The following SUMF1 variants were observed in gnomAD, a reference collection of about 807,000 sequenced individuals.
SUMF1 encodes the protein sulfatase modifying factor 1.
A neutral mutation model predicts 47.6 loss-of-function variants in SUMF1; 48 were observed. That is an observed-to-expected ratio of 1.01 (90% confidence interval 0.80 to 1.28). The LOEUF (loss-of-function observed/expected upper bound fraction) is 1.28, where lower values mean the gene tolerates loss of function less well. Ranked by LOEUF, SUMF1 falls within the 50% of genes most tolerant of loss-of-function variation. SUMF1 has a pLI of 0.00. For missense variants in SUMF1, 571 were observed against 485.4 expected (o/e 1.18, Z -1.66); for synonymous variants, 230 against 192.1 (o/e 1.20, Z -1.63).
At chr3:4,319,704 G>A (rs923852300) in intron 8 of SUMF1, among the ~76,000 whole-genome samples, 1 of 152,184 alleles carries the variant, frequency 6.6e-6, no homozygotes, top group African/African-American at 2.4e-5. Context: ...CATAAAAACA[G>A]CACACACGTG....
At chr3:4,297,342 CTT>C (rs892525245) in intron 8 of SUMF1, among the ~76,000 whole-genome samples, 3 of 152,216 alleles carry the variant, frequency 2.0e-5, no homozygotes, top group Admixed American at 6.5e-5. Flanking sequence ...ATGCAACAAT[CTT>C]TTTTCATGAG....
intron 8 of SUMF1, among the ~76,000 whole-genome samples, chr3:4,121,461 G>A (rs1418865626): frequency 6.6e-6 from 1 of 152,110 alleles, no homozygotes; most frequent in African/African-American, 2.4e-5. Context: ...CTTTAAACAT[G>A]ATAGTTGTGT....
intron 9 of SUMF1, among the ~76,000 whole-genome samples, chr3:4,057,964 A>C (rs1474915615): frequency 1.3e-5 from 2 of 152,146 alleles, no homozygotes; most frequent in African/African-American, 4.8e-5. Context: ...AGAAAGTGGC[A>C]GAGCAGGGAT....
intron 8 of SUMF1, among the ~76,000 whole-genome samples, chr3:4,250,425 A>C (rs1696771033): frequency 6.6e-6 from 1 of 152,168 alleles, no homozygotes. Context: ...ATGAAAGTGC[A>C]AGGTGAAGAA....
At chr3:4,411,809 C>T (rs1406773796) in intron 6 of SUMF1, among the ~76,000 whole-genome samples, 1 of 151,174 alleles carries the variant, frequency 6.6e-6, no homozygotes, top group Non-Finnish European at 1.5e-5. Context: ...TGGAAATTCT[C>T]AAACATAAAG....
chr3:4,423,369 T>C (rs1046464612), intron 3 of SUMF1, among the ~76,000 whole-genome samples: 4 of 151,910 alleles, frequency 2.6e-5, no homozygotes, highest in Admixed American at 2.0e-4. Context: ...CACAGCAACC[T>C]GGATGGGATT....
At chr3:4,296,460 ACTCACAGTTTCACATGGCTGGGGAGGC>A (rs1697853476) in intron 8 of SUMF1, among the ~76,000 whole-genome samples, 1 of 127,582 alleles carries the variant, frequency 7.8e-6, no homozygotes, top group South Asian at 2.3e-4. Context: ...GGTTTAATGG[ACTCACAGTTTCACATGGCTGGGGAGGC>A]CTCACAATCA....
At chr3:4,428,955 T>C (rs538740616) in intron 3 of SUMF1, among the ~76,000 whole-genome samples, 43 of 152,254 alleles carry the variant, frequency 2.8e-4, no homozygotes, top group Non-Finnish European at 5.1e-4. Context: ...TTATCTGAAC[T>C]TCATAACGAT....
chr3:4,296,903 T>C (rs58293068), intron 8 of SUMF1, among the ~76,000 whole-genome samples: 8,533 of 152,232 alleles, frequency 0.056, 804 homozygotes, highest in African/African-American at 0.19. Context: ...TATAATAATA[T>C]AGTTATGTAA....
intron 8 of SUMF1, among the ~76,000 whole-genome samples, chr3:4,367,499 T>C (rs970048062): frequency 6.6e-6 from 1 of 151,766 alleles, no homozygotes; most frequent in Non-Finnish European, 1.5e-5. Flanking sequence ...AAAGTTCATA[T>C]GGAACTAAAA....
At position 4,134,841 on chromosome 3, in the gene SUMF1, C is replaced by T. The variant is rs528113762; in HGVS notation, c.1015-66096G>A. On this transcript the variant is annotated intron_variant and NMD_transcript_variant, in intron 8 of 12. Coordinates refer to the SUMF1 transcript ENST00000448413. ...AACTACCATCAGAGAATACTATAAA[C>T]ACCTCTACACAAATAAACTAGAAAA... 1.4e-4 allele frequency among the ~76,000 whole-genome samples: 22 copies of T among 152,228 alleles called. No individual in the cohort carries two copies. In the South Asian group the frequency reaches 4.3e-3, roughly 30 times the overall value.
At chr3:4,451,833 G>A (rs1204992031) in intron 2 of SUMF1, among the ~76,000 whole-genome samples, 13 of 152,144 alleles carry the variant, frequency 8.5e-5, no homozygotes, top group African/African-American at 2.4e-4. Flanking sequence ...ACGGGTGCCC[G>A]CCACCATGCC....
chr3:4,362,354 C>A, intron 8 of SUMF1, 100 bp from the exon 9 acceptor site: 1 of 941,230 alleles, frequency 1.1e-6, no homozygotes, highest in East Asian at 2.5e-5. Context: ...CAGTGCTTCC[C>A]CACAACCCTG....
At chr3:4,247,724 G>C (rs1483002908) in intron 8 of SUMF1, among the ~76,000 whole-genome samples, 2 of 152,144 alleles carry the variant, frequency 1.3e-5, no homozygotes, top group East Asian at 3.8e-4. Context: ...ACCCAAGGAA[G>C]AATAGCAGTC....
chr3:4,160,864 C>T (rs1165990426), intron 8 of SUMF1, among the ~76,000 whole-genome samples: 1 of 152,050 alleles, frequency 6.6e-6, no homozygotes, highest in Non-Finnish European at 1.5e-5. Flanking sequence ...TGTTTTCCTA[C>T]ATGGCCTTGA....
At chr3:4,460,145 A>G (rs999049457) in intron 1 of SUMF1, among the ~76,000 whole-genome samples, 6 of 152,206 alleles carry the variant, frequency 3.9e-5, no homozygotes, top group Non-Finnish European at 8.8e-5. Flanking sequence ...GTATGCTGTC[A>G]TTAGCGTGAA....
At chr3:4,274,779 C>G (rs1575043939) in intron 8 of SUMF1, among the ~76,000 whole-genome samples, 1 of 152,140 alleles carries the variant, frequency 6.6e-6, no homozygotes. Context: ...TCATAAAAAT[C>G]TAGACTGACA....
chr3:4,316,261 T>G, intron 8 of SUMF1: 1 of 814,860 alleles, frequency 1.2e-6, no homozygotes, highest in Non-Finnish European at 2.0e-6. Flanking sequence ...ATTTTCTTAT[T>G]CGAGTTCAAA....
intron 9 of SUMF1, among the ~76,000 whole-genome samples, chr3:4,054,068 C>A (rs892415563): frequency 6.6e-6 from 1 of 152,058 alleles, no homozygotes; most frequent in African/African-American, 2.4e-5. Context: ...AAAAGAATGT[C>A]TGAGAAATAA....
Sources: gnomAD v4.1 joint callset for allele counts (sites outside exome capture counted in the v4.1 genomes callset) on GRCh38, gnomAD v4.1.1 for gene constraint, MANE v1.5 for transcripts, NCBI Gene and HGNC (gene_info 2026-07-23, HGNC 2026-07-21) for gene names.